SASS6: variants seen among roughly 807,000 people sequenced by gnomAD.
The protein encoded by SASS6 is SAS-6 centriolar assembly protein.
Under a neutral mutation model 94.9 loss-of-function variants are expected in SASS6, and 59 were observed. That is an observed-to-expected ratio of 0.62 (90% confidence interval 0.50 to 0.77). The LOEUF (loss-of-function observed/expected upper bound fraction) is 0.77, where lower values mean the gene tolerates loss of function less well. Among genes scored for constraint, SASS6 ranks in the 30% least tolerant of loss-of-function variants. The probability of loss-of-function intolerance (pLI) is 0.00; values close to 1 mark genes in which losing one functional copy is unlikely to be tolerated. For missense variants in SASS6, 698 were observed against 734.1 expected (o/e 0.95, Z 0.57); for synonymous variants, 264 against 270.0 (o/e 0.98, Z 0.22).
chr1:100,122,083 T>C (rs1301978151), intron 4 of SASS6, among the ~76,000 whole-genome samples: 1 of 152,210 alleles, frequency 6.6e-6, no homozygotes, highest in Non-Finnish European at 1.5e-5. Context: ...GTTAGCACCA[T>C]ACACACATAC....
Position 100,088,383 on chromosome 1 carries a change from T to C in SASS6, c.1675-147A>G, listed in dbSNP as rs572245132. 6 of 504,634 alleles carry C rather than the reference T, an allele frequency of 1.2e-5. No individual in the cohort carries two copies. In the Admixed American group the frequency reaches 1.6e-4, roughly 13 times the overall value. The allele number at this position is 504,634 out of a possible 1,614,324, so 31.3% of individuals were successfully genotyped here. A position where few individuals can be genotyped will look rare whatever the true frequency, so the allele number is the denominator to read the frequency against. ...ACGGTTCACTGCAGTCCCAATCTCC[T>C]GGGCTCAAGCGATCCTCCCACCTCA... On this transcript the variant is annotated intron_variant, in intron 14 of 16. Transcript: ENST00000287482.
In SASS6 at chr1:100,107,043, A is replaced by G. The variant is rs551084450; in HGVS notation, c.1327-50T>C. The G allele has an allele frequency of 6.5e-6, 5 of 773,590 alleles. No homozygotes were observed. The South Asian group carries it at 7.8e-5, about 12-fold the overall frequency. 47.9% of individuals were successfully genotyped at this position (773,590 alleles called of 1,614,324 possible). On this transcript the variant is annotated intron_variant, in intron 11 of 16. Transcript: ENST00000287482. ...AAGTCAAGCAAAATAAAGGTTAAAT[A>G]AAAACTGAAGAATGTATTATTATTA...
At chr1:100,104,895 A>G (rs147049879) in intron 13 of SASS6, among the ~76,000 whole-genome samples, 2,398 of 151,816 alleles carry the variant, frequency 0.016, 27 homozygotes, top group Non-Finnish European at 0.024. Flanking sequence ...CAAGGCTGCC[A>G]TGAGCCATGA....
In SASS6 at chr1:100,110,402, G is replaced by A. The variant is rs772433551; in HGVS notation, c.751C>T (p.Gln251Ter). 6.2e-7 allele frequency: 1 copy of A among 1,610,398 alleles called. No individual in the cohort carries two copies. The highest frequency in any genetic ancestry group is 8.5e-7 in the Non-Finnish European group (1 of 1,177,148). ...GCTTCTAACTCAGACAGTCTGTTTT[G>A]TAGCTGGTGGATGTTTTGTTGATGG... ...ILHQQNIHQLQNRLSELEAAN... is the reference protein window; with the variant it reads ...ILHQQNIHQL The change falls in exon 8 of 17, where the codon CAA becomes TAA. Residue 251 changes from glutamine (Q) to a stop codon, truncating the protein, a stop_gained. Coordinates refer to ENST00000287482, the MANE Select transcript of SASS6 (RefSeq NM_194292.3). LOFTEE classifies it high-confidence loss of function.
In SASS6 at chr1:100,121,437, A is replaced by G. The variant is rs1207584217; in HGVS notation, c.424T>C (p.Leu142=). The G allele has an allele frequency of 1.2e-6, 2 of 1,600,940 alleles. No individual in the cohort carries two copies. Among genetic ancestry groups the G allele is most frequent in the African/African-American group, 2.7e-5 (2 of 74,310 alleles). Residue 142 remains leucine (L), a synonymous_variant, in exon 5 of 17, where the codon TTA becomes CTA. Coordinates refer to ENST00000287482, the MANE Select transcript of SASS6 (RefSeq NM_194292.3). ...TTTATCTCCACATCATTTCCAGGTA[A>G]AAGTTTTAGTGAGAGGTGTGTAAGA... ...KHLTHLSLKL[L]PGNDVEIKKF...
rs774060441 is a variant in SASS6, at chr1:100,107,967, C to G, written c.899G>C (p.Arg300Pro). 1 of 1,610,880 alleles carries G rather than the reference C, an allele frequency of 6.2e-7. No individual in the cohort carries two copies. The highest frequency in any genetic ancestry group is 2.2e-5 in the East Asian group (1 of 44,770). Residue 300 changes from arginine to proline, a missense_variant, in exon 9 of 17, where the codon CGA becomes CCA. By Grantham distance (103) the Arg-to-Pro change is moderately radical. Coordinates refer to ENST00000287482, the MANE Select transcript of SASS6 (RefSeq NM_194292.3). ...QRTKQEVLSL[R>P]RENSTLDVEC... ...AACATCTAGTGTAGAATTCTCTCTTCGCAAAGAGAGGACTTCTTGCTTAGT... is the reference window on the plus strand; with the variant it reads ...AACATCTAGTGTAGAATTCTCTCTTGGCAAAGAGAGGACTTCTTGCTTAGT...
chr1:100,114,027 T>G (rs1444260634), intron 7 of SASS6, among the ~76,000 whole-genome samples: 1 of 151,682 alleles, frequency 6.6e-6, no homozygotes, highest in Non-Finnish European at 1.5e-5. Context: ...ATTTTAAAAA[T>G]AAAAACACAT....
chr1:100,115,729 G>A (rs1653754138), intron 7 of SASS6, among the ~76,000 whole-genome samples: 1 of 152,182 alleles, frequency 6.6e-6, no homozygotes, highest in South Asian at 2.1e-4. Flanking sequence ...TTTGGAAGCA[G>A]AGGCAGAAGG....
intron 14 of SASS6, among the ~76,000 whole-genome samples, chr1:100,098,787 TA>T (rs1421927829): frequency 6.6e-6 from 1 of 152,196 alleles, no homozygotes; most frequent in Non-Finnish European, 1.5e-5. Context: ...ACACTGCAGT[TA>T]CCTATTCCAT....
At position 100,102,963 on chromosome 1, in the gene SASS6, C is replaced by T; in HGVS notation, c.1666G>A (p.Gly556Arg). 1 of 1,610,062 alleles carries T rather than the reference C, an allele frequency of 6.2e-7. No homozygotes were observed. Reference protein sequence around the residue: ...SAKNTSHPGSGTKVQFNLQFT... With the variant: ...SAKNTSHPGSRTKVQFNLQFT... ...TTAGTTAATTTGGCTACCTTTGTTC[C>T]TGAACCAGGGTGGCTGGTATTTTTG... The change falls in exon 14 of 17, where the codon GGA (glycine) becomes AGA (arginine). Residue 556 changes from glycine to arginine, a missense_variant. Gly to Arg is a moderately radical substitution (Grantham distance 125, BLOSUM62 -2). Coordinates refer to ENST00000287482, the MANE Select transcript of SASS6 (RefSeq NM_194292.3).
At position 100,132,908 on chromosome 1, in the gene SASS6, T is replaced by C; in HGVS notation, c.-94A>G. On this transcript the variant is annotated 5_prime_UTR_variant, in exon 1 of 17. Transcript: ENST00000287482. Reference sequence around the variant, plus strand: ...GGTCCGGGTCCTGATAAAGTTTGAGTTTGGCGCTCGGCTTCTGCGGAGGAG... The same window carrying C: ...GGTCCGGGTCCTGATAAAGTTTGAGCTTGGCGCTCGGCTTCTGCGGAGGAG... 7.9e-7 allele frequency: 1 copy of C among 1,266,346 alleles called. No individual in the cohort carries two copies. Among genetic ancestry groups the C allele is most frequent in the Non-Finnish European group, 1.1e-6 (1 of 879,482 alleles). 78.4% of individuals were successfully genotyped at this position (1,266,346 alleles called of 1,614,324 possible).
chr1:100,102,929 G>A (rs377569210), intron 14 of SASS6, 26 bp downstream of exon 14: 59 of 1,579,550 alleles, frequency 3.7e-5, no homozygotes, highest in Non-Finnish European at 4.7e-5. Flanking sequence ...TTTTTTCCCA[G>A]AACAAGTATT....
intron 14 of SASS6, among the ~76,000 whole-genome samples, chr1:100,089,753 C>T (rs940895356): frequency 1.3e-5 from 2 of 151,866 alleles, no homozygotes; most frequent in Non-Finnish European, 2.9e-5. Context: ...TATAAGAGAT[C>T]TTAGTTATTG....
In SASS6 at chr1:100,105,749, T is replaced by C; in HGVS notation, c.1545+18A>G. On this transcript the variant is annotated intron_variant, in intron 13 of 16. Coordinates refer to ENST00000287482, the MANE Select transcript of SASS6 (RefSeq NM_194292.3). ...AGGAAATTCACTAAGATCACTCACA[T>C]CTTGTTTTAAATCTTACCACATTCA... The C allele has an allele frequency of 6.2e-7, 1 of 1,604,392 alleles. No homozygotes were observed. The highest frequency in any genetic ancestry group is 8.5e-7 in the Non-Finnish European group (1 of 1,175,748).
chr1:100,085,922 G>C (rs1271184996), intron 15 of SASS6, among the ~76,000 whole-genome samples: 1 of 152,134 alleles, frequency 6.6e-6, no homozygotes, highest in East Asian at 1.9e-4. Flanking sequence ...GCACATAAGT[G>C]ATACATGACA....
intron 7 of SASS6, among the ~76,000 whole-genome samples, chr1:100,110,834 T>A (rs541346434): frequency 6.6e-6 from 1 of 152,068 alleles, no homozygotes; most frequent in East Asian, 1.9e-4. Flanking sequence ...AGGATGAACC[T>A]ACTTGTGTAT....
At position 100,121,422 on chromosome 1, in the gene SASS6, C is replaced by T. The variant is rs751551434; in HGVS notation, c.439G>A (p.Val147Met). The change falls in exon 5 of 17, where the codon GTG becomes ATG. Residue 147 changes from valine to methionine, a missense_variant. Val to Met is a conservative substitution (Grantham distance 21). Transcript: ENST00000287482. ...CCTGCGAGAAATTTCTTTATCTCCA[C>T]ATCATTTCCAGGTAAAAGTTTTAGT... ...LSLKLLPGND[V>M]EIKKFLAGCL... The T allele has an allele frequency of 1.3e-6, 2 of 1,595,090 alleles. No homozygotes were observed. The highest frequency in any genetic ancestry group is 1.4e-5 in the African/African-American group (1 of 73,900).
rs1002114752 is a variant in SASS6 at position 100,083,755 on chromosome 1, T to C, written c.*1573A>G. ...ACATTTAATACAAATTTGCAAGATA[T>C]CAGAATGATCTCTCCTGAAAATTCA... On this transcript the variant is annotated 3_prime_UTR_variant, in exon 17 of 17. Coordinates refer to ENST00000287482, the MANE Select transcript of SASS6 (RefSeq NM_194292.3). The C allele has an allele frequency of 6.6e-6, 1 of 152,006 alleles. No homozygotes were observed. Among genetic ancestry groups the C allele is most frequent in the Non-Finnish European group, 1.5e-5 (1 of 67,908 alleles). The allele number at this position is 152,006 out of a possible 1,614,324, so 9.4% of individuals were successfully genotyped here.
intron 5 of SASS6, 35 bp downstream of exon 5, chr1:100,121,343 T>C (rs1654180798): frequency 1.5e-6 from 2 of 1,326,278 alleles, no homozygotes; most frequent in African/African-American, 1.5e-5. Context: ...TTGATACTTA[T>C]TTTGTTAAAA....
Sources: gnomAD v4.1 joint callset for allele counts (sites outside exome capture counted in the v4.1 genomes callset) on GRCh38, gnomAD v4.1.1 for gene constraint, MANE v1.5 for transcripts, NCBI Gene and HGNC (gene_info 2026-07-23, HGNC 2026-07-21) for gene names.